The following SH3KBP1 variants were observed in gnomAD, a reference collection of about 807,000 sequenced individuals.
SH3KBP1 encodes the protein SH3 domain containing kinase binding protein 1.
Under a neutral mutation model 50.1 loss-of-function variants are expected in SH3KBP1, and 8 were observed. The observed-to-expected ratio is 0.16, with a 90% CI of 0.09 to 0.29. The LOEUF is 0.29. Ranked by LOEUF, SH3KBP1 falls within the 10% of genes least tolerant of loss-of-function variation. SH3KBP1 has a pLI of 1.00. For synonymous variants in SH3KBP1, 227 were observed against 218.6 expected (o/e 1.04, Z -0.34); for missense variants, 377 against 535.2 (o/e 0.70, Z 2.92).
chrX:19,542,919 G>A (rs762332696), intron 15 of SH3KBP1, among the ~76,000 whole-genome samples: 82 of 112,042 alleles, frequency 7.3e-4, no homozygotes, highest in Non-Finnish European at 1.3e-3. Flanking sequence ...GAGGGCACAC[G>A]GTGCTGAGGA....
At chrX:19,647,451 G>A (rs1373888439) in intron 6 of SH3KBP1, among the ~76,000 whole-genome samples, 1 of 111,734 alleles carries the variant, frequency 8.9e-6, no homozygotes, top group Non-Finnish European at 1.9e-5. Flanking sequence ...CAGACATCAA[G>A]CAAGGCCACC....
chrX:19,737,665 A>G (rs1230836781), intron 3 of SH3KBP1, among the ~76,000 whole-genome samples: 1 of 111,886 alleles, frequency 8.9e-6, no homozygotes, highest in Non-Finnish European at 1.9e-5. Flanking sequence ...CGCAGGTTCC[A>G]TCGTGATCCA....
chrX:19,593,666 C>T (rs1044521314), intron 10 of SH3KBP1, among the ~76,000 whole-genome samples: 4 of 110,590 alleles, frequency 3.6e-5, no homozygotes, highest in Admixed American at 1.9e-4. Flanking sequence ...ATAATGAAGT[C>T]GGTATCATTC....
intron 3 of SH3KBP1, among the ~76,000 whole-genome samples, chrX:19,743,008 C>T (rs2064815004): frequency 8.9e-6 from 1 of 112,039 alleles, no homozygotes; most frequent in African/African-American, 3.2e-5. Context: ...TGAGTGCAGA[C>T]ACAAGTGCCC....
intron 2 of SH3KBP1, among the ~76,000 whole-genome samples, chrX:19,804,064 C>A (rs1603254132): frequency 9.0e-6 from 1 of 111,489 alleles, no homozygotes; most frequent in Admixed American, 9.5e-5. Context: ...CCCAGTTACT[C>A]GGGAGGCTGA....
intron 14 of SH3KBP1, among the ~76,000 whole-genome samples, chrX:19,546,892 G>A (rs894810474): frequency 6.3e-5 from 7 of 111,597 alleles, no homozygotes; most frequent in Admixed American, 5.7e-4. Flanking sequence ...AGTGGCTCAC[G>A]ACCGTAATCC....
At chrX:19,782,767 T>C (rs2066219342) in intron 2 of SH3KBP1, among the ~76,000 whole-genome samples, 1 of 111,427 alleles carries the variant, frequency 9.0e-6, no homozygotes, top group African/African-American at 3.3e-5. Context: ...CAATACAACC[T>C]GCGGCTCACT....
chrX:19,653,912 T>C (rs1018255487), intron 6 of SH3KBP1, among the ~76,000 whole-genome samples: 1 of 110,345 alleles, frequency 9.1e-6, no homozygotes. Context: ...TCCTAACAGC[T>C]ATCTTTCTCT....
chrX:19,642,852 G>T (rs2061893572), intron 7 of SH3KBP1, among the ~76,000 whole-genome samples: 1 of 110,389 alleles, frequency 9.1e-6, no homozygotes, highest in Non-Finnish European at 1.9e-5. Flanking sequence ...ACTAAATCCT[G>T]ATCAGCTGAG....
chrX:19,809,551 G>A (rs931327637), intron 2 of SH3KBP1, among the ~76,000 whole-genome samples: 37 of 111,463 alleles, frequency 3.3e-4, no homozygotes, highest in African/African-American at 1.1e-3. Flanking sequence ...AAAAAAGTCA[G>A]TATCAAGGGA....
chrX:19,640,864 C>T (rs2061840504), intron 7 of SH3KBP1, among the ~76,000 whole-genome samples: 1 of 111,552 alleles, frequency 9.0e-6, no homozygotes, highest in Admixed American at 9.5e-5. Flanking sequence ...TCACTTCAGC[C>T]TCTGATTGGT....
At chrX:19,760,375 A>AGAT (rs1322123978) in intron 2 of SH3KBP1, among the ~76,000 whole-genome samples, 1 of 106,817 alleles carries the variant, frequency 9.4e-6, no homozygotes. Context: ...CAACAGAGTG[A>AGAT]GATTCTGTCT....
intron 1 of SH3KBP1, among the ~76,000 whole-genome samples, chrX:19,852,162 A>G (rs2068527206): frequency 9.0e-6 from 1 of 111,033 alleles, no homozygotes; most frequent in Non-Finnish European, 1.9e-5. Flanking sequence ...AAGGAAGCCA[A>G]TTTGCACTGA....
chrX:19,760,754 G>A (rs2065397528), intron 2 of SH3KBP1, among the ~76,000 whole-genome samples: 1 of 110,885 alleles, frequency 9.0e-6, no homozygotes, highest in Non-Finnish European at 1.9e-5. Context: ...AAGATCTTGT[G>A]AATAATGGCA....
intron 2 of SH3KBP1, among the ~76,000 whole-genome samples, chrX:19,805,478 A>G (rs1462513932): frequency 9.2e-6 from 1 of 108,259 alleles, no homozygotes. Flanking sequence ...TAACATCATA[A>G]GGCATCCACA....
chrX:19,686,416 T>C (rs1226144832), intron 5 of SH3KBP1, among the ~76,000 whole-genome samples: 1 of 111,297 alleles, frequency 9.0e-6, no homozygotes, highest in Non-Finnish European at 1.9e-5. Context: ...ACCCAGAGTG[T>C]GGACTGTGGA....
intron 6 of SH3KBP1, among the ~76,000 whole-genome samples, chrX:19,673,136 G>A (rs2062844575): frequency 9.2e-6 from 1 of 108,740 alleles, no homozygotes; most frequent in Non-Finnish European, 1.9e-5. Context: ...AAGAGAGGAA[G>A]CCGGGTGTGA....
chrX:19,588,447 C>T, intron 12 of SH3KBP1, 196 bp downstream of exon 12: 1 of 1,165,622 alleles, frequency 8.6e-7, no homozygotes, highest in Non-Finnish European at 1.1e-6. Flanking sequence ...ACCTCACACT[C>T]ACTCCTGCCT....
intron 1 of SH3KBP1, among the ~76,000 whole-genome samples, chrX:19,870,269 A>G (rs2069005254): frequency 8.9e-6 from 1 of 112,469 alleles, no homozygotes. Context: ...TCCTCTAGGG[A>G]AAGAGGAGGG....
Sources: gnomAD v4.1 joint callset for allele counts (sites outside exome capture counted in the v4.1 genomes callset) on GRCh38, gnomAD v4.1.1 for gene constraint, MANE v1.5 for transcripts, NCBI Gene and HGNC (gene_info 2026-07-23, HGNC 2026-07-21) for gene names.